The following SPATA6 variants were observed in gnomAD, a reference collection of about 807,000 sequenced individuals.
SPATA6 encodes the protein spermatogenesis-associated protein 6.
In SPATA6, 56 loss-of-function variants were observed where a neutral mutation model predicts 65.3. The ratio of observed to expected loss-of-function variants is 0.86; its 90% CI spans 0.69 to 1.07. The LOEUF is 1.07. SPATA6 is among the 50% of genes least tolerant of loss of function. SPATA6 has a pLI of 0.00. For synonymous variants in SPATA6, 199 were observed against 213.2 expected, an observed-to-expected ratio of 0.93 and a Z score of 0.58; for missense variants, 590 against 594.8, an observed-to-expected ratio of 0.99 and a Z score of 0.08.
intron 2 of SPATA6, among the ~76,000 whole-genome samples, chr1:48,452,431 T>G (rs183269204): frequency 6.6e-6 from 1 of 151,752 alleles, no homozygotes; most frequent in Admixed American, 6.6e-5. Context: ...TCACCCAGGC[T>G]GGAGTGCAGT....
At chr1:48,289,172 C>T in the SPATA6 span, among the ~76,000 whole-genome samples, 1 of 152,222 alleles carries the variant, frequency 6.6e-6, no homozygotes, top group East Asian at 1.9e-4. Context: ...CAGACAGCAA[C>T]ATTTGCTGTT....
intron 11 of SPATA6, among the ~76,000 whole-genome samples, chr1:48,339,129 G>C (rs1175460287): frequency 6.6e-6 from 1 of 151,866 alleles, no homozygotes; most frequent in Admixed American, 6.6e-5. Context: ...GGACAGAAAT[G>C]GCCTCAGTCT....
At chr1:48,294,841 T>A (rs1317454203), downstream of SPATA6, among the ~76,000 whole-genome samples, 1 of 152,226 alleles carries the variant, frequency 6.6e-6, no homozygotes, top group African/African-American at 2.4e-5. Context: ...ACACCACTTC[T>A]AGCTAAAGCA....
the SPATA6 span, among the ~76,000 whole-genome samples, chr1:48,265,991 G>C: frequency 6.6e-6 from 1 of 152,126 alleles, no homozygotes; most frequent in Admixed American, 6.5e-5. Context: ...GTAGATTACT[G>C]CATTTTAAAA....
chr1:48,465,111 T>C (rs1180303243), intron 1 of SPATA6, among the ~76,000 whole-genome samples: 1 of 152,052 alleles, frequency 6.6e-6, no homozygotes, highest in African/African-American at 2.4e-5. Flanking sequence ...AGGTTTAGTA[T>C]CCAAAATATA....
At chr1:48,442,732 A>C (rs981920580) in intron 3 of SPATA6, among the ~76,000 whole-genome samples, 18 of 149,982 alleles carry the variant, frequency 1.2e-4, no homozygotes, top group African/African-American at 7.3e-5. Context: ...AAAAAAAAAA[A>C]AAAAAAAAAA....
intron 11 of SPATA6, chr1:48,344,353 A>G (rs1404483377): frequency 1.3e-5 from 2 of 152,062 alleles, no homozygotes; most frequent in Non-Finnish European, 2.9e-5. Context: ...TTACCACCAG[A>G]CCTGCCTTAC....
chr1:48,365,107 G>T (rs1646955178), intron 9 of SPATA6, among the ~76,000 whole-genome samples: 1 of 152,098 alleles, frequency 6.6e-6, no homozygotes, highest in East Asian at 1.9e-4. Flanking sequence ...TCAGATAGTT[G>T]TAGATATGCG....
At chr1:48,313,088 G>A (rs983471583) in intron 11 of SPATA6, among the ~76,000 whole-genome samples, 14 of 152,154 alleles carry the variant, frequency 9.2e-5, no homozygotes, top group South Asian at 2.1e-4. Context: ...TGAAAGTGAC[G>A]GGGAGAATGG....
intron 11 of SPATA6, among the ~76,000 whole-genome samples, chr1:48,324,106 C>T (rs146960378): frequency 1.0e-3 from 158 of 152,130 alleles, no homozygotes; most frequent in African/African-American, 3.7e-3. Flanking sequence ...TACGCCACCA[C>T]ACCTATCTAC....
At chr1:48,354,538 T>C (rs1646602490) in intron 11 of SPATA6, among the ~76,000 whole-genome samples, 1 of 152,110 alleles carries the variant, frequency 6.6e-6, no homozygotes, top group South Asian at 2.1e-4. Flanking sequence ...ATAAAATGTA[T>C]TGTATGAATA....
At chr1:48,417,374 G>GCGACACAGAAAAGTATCTA (rs1553167121) in intron 3 of SPATA6, among the ~76,000 whole-genome samples, 2 of 152,064 alleles carry the variant, frequency 1.3e-5, no homozygotes, top group African/African-American at 4.8e-5. Flanking sequence ...TGCTTAGACT[G>GCGACACAGAAAAGTATCTA]CGACACAGAA....
chr1:48,350,011 A>G (rs1237901571), intron 11 of SPATA6, among the ~76,000 whole-genome samples: 1 of 151,908 alleles, frequency 6.6e-6, no homozygotes, highest in Non-Finnish European at 1.5e-5. Flanking sequence ...TATGATAAGT[A>G]TATGTTTAAT....
intron 3 of SPATA6, among the ~76,000 whole-genome samples, chr1:48,443,983 G>A (rs1655762635): frequency 6.6e-6 from 1 of 152,134 alleles, no homozygotes; most frequent in East Asian, 1.9e-4. Flanking sequence ...CTTCCCTCTG[G>A]AGGACACTAC....
intron 8 of SPATA6, among the ~76,000 whole-genome samples, chr1:48,393,845 T>C (rs1650308703): frequency 6.6e-6 from 1 of 152,088 alleles, no homozygotes; most frequent in Non-Finnish European, 1.5e-5. Flanking sequence ...CCAAGCTCTC[T>C]GGTATATTTG....
chr1:48,338,760 G>C (rs532845905), intron 11 of SPATA6, among the ~76,000 whole-genome samples: 10 of 151,976 alleles, frequency 6.6e-5, no homozygotes, highest in Non-Finnish European at 1.5e-4. Context: ...GCCAGGTTGG[G>C]GGTAAAATAA....
intron 9 of SPATA6, among the ~76,000 whole-genome samples, chr1:48,370,264 A>G (rs1338927046): frequency 6.6e-6 from 1 of 152,222 alleles, no homozygotes; most frequent in Non-Finnish European, 1.5e-5. Flanking sequence ...TCAGAAATAA[A>G]TACAAATAAT....
chr1:48,274,099 T>C, the SPATA6 span, among the ~76,000 whole-genome samples: 1 of 152,214 alleles, frequency 6.6e-6, no homozygotes, highest in Non-Finnish European at 1.5e-5. Context: ...ATCCGTGTGA[T>C]CATGAGCTTT....
intron 9 of SPATA6, among the ~76,000 whole-genome samples, chr1:48,376,915 A>C (rs1056885019): frequency 6.6e-6 from 1 of 152,210 alleles, no homozygotes; most frequent in East Asian, 1.9e-4. Context: ...AAAAAGTACA[A>C]CAAAAATAGA....
Sources: allele counts gnomAD v4.1 joint callset (sites outside exome capture counted in the v4.1 genomes callset), GRCh38; gene constraint gnomAD v4.1.1; transcripts MANE v1.5; gene names NCBI Gene and HGNC (gene_info 2026-07-23, HGNC 2026-07-21).